SCAF8: variants seen among roughly 807,000 people sequenced by gnomAD.
The protein encoded by SCAF8 is SR-related and CTD-associated factor 8.
In SCAF8, 23 loss-of-function variants were observed where a neutral mutation model predicts 140.5. The observed-to-expected ratio is 0.16, with a 90% CI of 0.12 to 0.23. SCAF8 has a LOEUF of 0.23. SCAF8 is among the 10% of genes least tolerant of loss of function. SCAF8 has a pLI of 1.00. For synonymous variants in SCAF8, 575 were observed against 528.9 expected (o/e 1.09, Z -1.20); for missense variants, 1,397 against 1,555.7 (o/e 0.90, Z 1.72).
intron 1 of SCAF8, among the ~76,000 whole-genome samples, chr6:154,770,145 G>A (rs1311950675): frequency 1.3e-5 from 2 of 152,124 alleles, no homozygotes; most frequent in Non-Finnish European, 2.9e-5. Context: ...AAGGATCTTA[G>A]CTTAAGAATT....
At chr6:154,765,587 C>T (rs1463481228) in intron 1 of SCAF8, among the ~76,000 whole-genome samples, 1 of 152,124 alleles carries the variant, frequency 6.6e-6, no homozygotes, top group African/African-American at 2.4e-5. Flanking sequence ...AACATATCAG[C>T]AAGATCCCTA....
At chr6:154,822,856 C>T (rs1483861719) in intron 16 of SCAF8, among the ~76,000 whole-genome samples, 1 of 152,094 alleles carries the variant, frequency 6.6e-6, no homozygotes, top group African/African-American at 2.4e-5. Context: ...AGTGAAAAAC[C>T]CCCAGAAATC....
intron 1 of SCAF8, among the ~76,000 whole-genome samples, chr6:154,748,550 C>T (rs1485001666): frequency 6.6e-6 from 1 of 151,656 alleles, no homozygotes; most frequent in African/African-American, 2.4e-5. Flanking sequence ...GCTGAAATGA[C>T]TTCTATAAGT....
chr6:154,794,487 A>AAG (rs554807194), intron 5 of SCAF8, among the ~76,000 whole-genome samples: 1 of 152,122 alleles, frequency 6.6e-6, no homozygotes, highest in Non-Finnish European at 1.5e-5. Context: ...GATAGGGAAA[A>AAG]AGAGAGAGAG....
At chr6:154,793,073 T>C in intron 5 of SCAF8, 97 bp downstream of exon 5, 1 of 853,206 alleles carries the variant, frequency 1.2e-6, no homozygotes. Context: ...GCAGGAAAAT[T>C]TGTCCAGCAT....
chr6:154,829,391 C>T (rs1391400627), intron 18 of SCAF8, among the ~76,000 whole-genome samples: 1 of 152,032 alleles, frequency 6.6e-6, no homozygotes, highest in Non-Finnish European at 1.5e-5. Flanking sequence ...TTGGACGTTA[C>T]AGAAATGCTA....
At chr6:154,752,743 A>T (rs987575219) in intron 1 of SCAF8, among the ~76,000 whole-genome samples, 7 of 152,124 alleles carry the variant, frequency 4.6e-5, no homozygotes. Flanking sequence ...TTTTTTTGAG[A>T]TGGAGTCTCA....
At chr6:154,793,033 G>T in intron 5 of SCAF8, 57 bp downstream of exon 5, 1 of 1,364,844 alleles carries the variant, frequency 7.3e-7, no homozygotes, top group South Asian at 1.7e-5. Context: ...CTTTTTGGAT[G>T]ACTGTTCATA....
chr6:154,825,655 C>CAAA (rs34342159), intron 17 of SCAF8, among the ~76,000 whole-genome samples: 2,863 of 63,838 alleles, frequency 0.045, 220 homozygotes, highest in African/African-American at 0.068. Flanking sequence ...GACCTTGTCT[C>CAAA]AAAAAAAAAA....
At chr6:154,776,261 C>T (rs969564765) in intron 2 of SCAF8, among the ~76,000 whole-genome samples, 3 of 151,398 alleles carry the variant, frequency 2.0e-5, no homozygotes, top group Admixed American at 6.6e-5. Flanking sequence ...TTTTTCACTA[C>T]TTTATTACTT....
Position 154,733,688 on chromosome 6 carries a change from G to A in SCAF8, c.-213G>A. On this transcript the variant is annotated 5_prime_UTR_variant, in exon 1 of 20. Coordinates refer to ENST00000367178, the MANE Select transcript of SCAF8 (RefSeq NM_014892.5). ...TGTTCCCTAGAACGGCGCTCCCCCC[G>A]CCCTAGCGGCCATGCCGGTGCCGCT... 2 of 1,022,304 alleles carry A rather than the reference G, an allele frequency of 2.0e-6. No individual in the cohort carries two copies. Among genetic ancestry groups the A allele is most frequent in the Non-Finnish European group, 2.3e-6 (2 of 855,906 alleles). The allele number at this position is 1,022,304 out of a possible 1,614,324, so 63.3% of individuals were successfully genotyped here.
In SCAF8 at chr6:154,733,585, C is replaced by G. The variant is rs1468133791; in HGVS notation, c.-316C>G. On this transcript the variant is annotated 5_prime_UTR_variant, in exon 1 of 20. Coordinates refer to ENST00000367178, the MANE Select transcript of SCAF8 (RefSeq NM_014892.5). ...GGGGCTAGAGGGAGGGGGACCGAAA[C>G]GGAGCGGGGCAGAGAAGAGAAGGCG... The G allele has an allele frequency of 7.8e-7, 1 of 1,280,036 alleles. No homozygotes were observed. The highest frequency in any genetic ancestry group is 9.8e-7 in the Non-Finnish European group (1 of 1,016,118). 79.3% of individuals were successfully genotyped at this position (1,280,036 alleles called of 1,614,324 possible).
intron 1 of SCAF8, among the ~76,000 whole-genome samples, chr6:154,742,811 G>A (rs971401558): frequency 6.6e-6 from 1 of 152,302 alleles, no homozygotes; most frequent in East Asian, 1.9e-4. Context: ...TTAAGTTGAT[G>A]TATGACAAAT....
chr6:154,745,935 G>A (rs1778688668), intron 1 of SCAF8, among the ~76,000 whole-genome samples: 1 of 152,090 alleles, frequency 6.6e-6, no homozygotes, highest in Non-Finnish European at 1.5e-5. Flanking sequence ...ACCCAGGCTA[G>A]AGTGCAGTGG....
chr6:154,736,411 C>G (rs1778422674), intron 1 of SCAF8, among the ~76,000 whole-genome samples: 2 of 151,758 alleles, frequency 1.3e-5, no homozygotes, highest in African/African-American at 4.8e-5. Context: ...GCTGGGATTA[C>G]AGGCACCCAC....
At position 154,733,861 on chromosome 6, in the gene SCAF8, C is replaced by T. The variant is rs1427203098; in HGVS notation, c.-40C>T. ...TCCCCACCCAGTGCAGTGGCCGCCG[C>T]CTCTTCCGCCGCCGGGCTCGGGGCC... is the stretch of plus-strand genomic sequence containing the variant. On this transcript the variant is annotated 5_prime_UTR_variant, in exon 1 of 20. Coordinates refer to ENST00000367178, the MANE Select transcript of SCAF8 (RefSeq NM_014892.5). The T allele has an allele frequency of 1.3e-6, 2 of 1,541,940 alleles. No individual in the cohort carries two copies. The highest frequency in any genetic ancestry group is 1.7e-6 in the Non-Finnish European group (2 of 1,150,612).
intron 13 of SCAF8, among the ~76,000 whole-genome samples, chr6:154,817,141 G>A (rs1350357393): frequency 6.6e-6 from 1 of 152,090 alleles, no homozygotes; most frequent in Non-Finnish European, 1.5e-5. Flanking sequence ...GTGATTCTCA[G>A]TTCTAGCTGC....
rs932076961 is a variant in SCAF8, at chr6:154,822,957, C to G, written c.1926+548C>G. On this transcript the variant is annotated intron_variant, in intron 16 of 19. Coordinates refer to ENST00000367178, the MANE Select transcript of SCAF8 (RefSeq NM_014892.5). ...AGATCCTATGGAAGGAAAAAAGTAG[C>G]GTAAGGCTGATCTATTTTAAACAGA... 2.0e-5 allele frequency among the ~76,000 whole-genome samples: 3 copies of G among 152,014 alleles called. 1 individual carries two copies. The highest frequency in any genetic ancestry group is 2.0e-4 in the Admixed American group (3 of 15,256).
intron 3 of SCAF8, 39 bp from the exon 4 acceptor site, chr6:154,787,822 T>A: frequency 6.4e-7 from 1 of 1,557,320 alleles, no homozygotes. Context: ...ATTTTACCTT[T>A]CCGTTTCCTT....
Sources: allele counts gnomAD v4.1 joint callset (sites outside exome capture counted in the v4.1 genomes callset), GRCh38; gene constraint gnomAD v4.1.1; transcripts MANE v1.5; gene names NCBI Gene and HGNC (gene_info 2026-07-23, HGNC 2026-07-21).